PPP2R3A: variants seen among roughly 807,000 people sequenced by gnomAD.
PPP2R3A encodes serine/threonine-protein phosphatase 2A regulatory subunit B'' subunit alpha.
In PPP2R3A, 80 loss-of-function variants were observed where a neutral mutation model predicts 106.9. That is an observed-to-expected ratio of 0.75 (90% confidence interval 0.62 to 0.90). The LOEUF (loss-of-function observed/expected upper bound fraction) is 0.90, where lower values mean the gene tolerates loss of function less well. Ranked by LOEUF, PPP2R3A falls within the 40% of genes least tolerant of loss-of-function variation. The pLI, the probability that PPP2R3A is intolerant of heterozygous loss-of-function variation, is 0.00. For missense variants in PPP2R3A, 1,386 were observed against 1,350.4 expected, an observed-to-expected ratio of 1.03 and a Z score of -0.41; for synonymous variants, 483 against 468.3, an observed-to-expected ratio of 1.03 and a Z score of -0.41.
intron 5 of PPP2R3A, among the ~76,000 whole-genome samples, chr3:136,068,376 G>A: frequency 6.6e-6 from 1 of 152,116 alleles, no homozygotes; most frequent in Non-Finnish European, 1.5e-5. Context: ...AAATAGGCCG[G>A]GCATGGTGGC....
chr3:136,130,570 A>C (rs1209380745), intron 13 of PPP2R3A, among the ~76,000 whole-genome samples: 3 of 152,210 alleles, frequency 2.0e-5, no homozygotes, highest in African/African-American at 7.2e-5. Flanking sequence ...ATATCATGAA[A>C]ATGGCCATAC....
rs202206769 is a variant in PPP2R3A, at chr3:136,003,061, G to C, written c.1563G>C (p.Gln521His). 89 of 1,611,714 alleles carry C rather than the reference G, an allele frequency of 5.5e-5. No individual in the cohort carries two copies. The highest frequency in any genetic ancestry group is 5.5e-5 in the Non-Finnish European group (65 of 1,179,454). ...TAATGGATTTGGAATCTTTTTCACAGAAGATGGAGACCTCTCTAAGAGAGC... is the reference window on the plus strand; with the variant it reads ...TAATGGATTTGGAATCTTTTTCACACAAGATGGAGACCTCTCTAAGAGAGC... Reference protein sequence around the residue: ...KLLMDLESFSQKMETSLREPL... With the variant: ...KLLMDLESFSHKMETSLREPL... Residue 521 changes from glutamine to histidine, a missense_variant, in exon 2 of 14, where the codon CAG (glutamine) becomes CAC (histidine). Transcript: ENST00000264977.
intron 13 of PPP2R3A, among the ~76,000 whole-genome samples, chr3:136,111,282 T>C (rs1487861795): frequency 4.6e-5 from 7 of 152,166 alleles, no homozygotes; most frequent in Non-Finnish European, 7.4e-5. Context: ...TAGAGAAATA[T>C]AGACATTGAT....
At chr3:136,131,686 T>C (rs1010299508) in intron 13 of PPP2R3A, among the ~76,000 whole-genome samples, 3 of 152,214 alleles carry the variant, frequency 2.0e-5, no homozygotes, top group African/African-American at 7.2e-5. Context: ...GGATTATACA[T>C]CATGCTGCTT....
At chr3:135,969,267 G>T (rs891749053) in intron 1 of PPP2R3A, among the ~76,000 whole-genome samples, 1 of 152,188 alleles carries the variant, frequency 6.6e-6, no homozygotes, top group African/African-American at 2.4e-5. Flanking sequence ...GGAGAGAAAA[G>T]GTGGTGGCTG....
intron 13 of PPP2R3A, among the ~76,000 whole-genome samples, chr3:136,140,748 C>CA (rs996175388): frequency 0.024 from 1,925 of 81,450 alleles, 30 homozygotes; most frequent in East Asian, 0.084. Context: ...AACTCAGTCT[C>CA]AAAAAAAAAA....
intron 2 of PPP2R3A, among the ~76,000 whole-genome samples, chr3:136,010,465 C>T (rs1157190304): frequency 1.7e-4 from 19 of 110,174 alleles, no homozygotes; most frequent in Non-Finnish European, 2.7e-4. Flanking sequence ...CTCGCTCTGT[C>T]GCCCAGGCTG....
intron 5 of PPP2R3A, among the ~76,000 whole-genome samples, chr3:136,061,026 T>TA (rs1482506928): frequency 2.0e-5 from 3 of 151,868 alleles, no homozygotes; most frequent in Non-Finnish European, 1.5e-5. Flanking sequence ...TAAATAAATG[T>TA]AAAAAAGAAT....
chr3:136,003,450 C>T lies in PPP2R3A; in HGVS notation c.1952C>T (p.Thr651Ile), dbSNP rs763309087. ...RSPVGDKAKD[T>I]TSAVLIQQTP... is the part of the protein sequence containing the mutation. Reference sequence around the variant, plus strand: ...CCTGTTGGTGATAAAGCCAAAGATACTACTTCAGCAGTTTTGATTCAGCAG... The same window carrying T: ...CCTGTTGGTGATAAAGCCAAAGATATTACTTCAGCAGTTTTGATTCAGCAG... Residue 651 changes from threonine (T) to isoleucine (I), a missense_variant, in exon 2 of 14, where the codon ACT becomes ATT. By Grantham distance (89) the Thr-to-Ile change is moderately conservative. Coordinates refer to ENST00000264977, the MANE Select transcript of PPP2R3A (RefSeq NM_002718.5). 77 of 1,613,248 alleles carry T rather than the reference C, an allele frequency of 4.8e-5. No homozygotes were observed. The highest frequency in any genetic ancestry group is 5.9e-5 in the Non-Finnish European group (70 of 1,179,642).
intron 5 of PPP2R3A, among the ~76,000 whole-genome samples, chr3:136,058,750 C>T (rs1299869730): frequency 3.9e-5 from 6 of 152,122 alleles, no homozygotes; most frequent in South Asian, 2.1e-4. Flanking sequence ...TACCCATCTT[C>T]GAACAATGCT....
rs548505288 is a variant in PPP2R3A at position 136,053,321 on chromosome 3, G to A, written c.2469+3960G>A. Among the ~76,000 whole-genome samples the A allele has an allele frequency of 1.8e-4, 28 of 151,972 alleles. 1 individual carries two copies. The highest frequency in any genetic ancestry group is 6.5e-4 in the African/African-American group (27 of 41,434). On this transcript the variant is annotated intron_variant, in intron 5 of 13. Transcript: ENST00000264977. ...AAAAAGATTCTGTGATCTTAAAATTGTAAATAAATAGTTTAATAATAAATG... is the reference window on the plus strand; with the variant it reads ...AAAAAGATTCTGTGATCTTAAAATTATAAATAAATAGTTTAATAATAAATG...
chr3:136,078,329 A>T, intron 6 of PPP2R3A, 38 bp from the exon 7 acceptor site: 2 of 1,386,136 alleles, frequency 1.4e-6, no homozygotes, highest in Non-Finnish European at 2.0e-6. Context: ...GGAGATCTTT[A>T]ATGTTTTTAT....
intron 2 of PPP2R3A, among the ~76,000 whole-genome samples, chr3:136,015,257 G>T (rs1301133563): frequency 6.6e-6 from 1 of 152,100 alleles, no homozygotes; most frequent in Non-Finnish European, 1.5e-5. Flanking sequence ...TTGCATCTAT[G>T]TTCACCAGAG....
Position 136,001,687 on chromosome 3 carries a change from C to T in PPP2R3A, c.189C>T (p.Phe63=), listed in dbSNP as rs767075012. The T allele has an allele frequency of 1.2e-5, 20 of 1,614,002 alleles. No homozygotes were observed. The South Asian group carries it at 2.1e-4, about 17-fold the overall frequency. Residue 63 remains phenylalanine (F), a synonymous_variant, in exon 2 of 14, where the codon TTC becomes TTT. Transcript: ENST00000264977. ...ADLLHIPVSQ[F]KDADLNSMFL... ...TCTTGCACATCCCTGTGTCTCAGTT[C>T]AAAGATGCAGATCTGAACTCTATGT...
Position 136,002,156 on chromosome 3 carries a change from A to G in PPP2R3A, c.658A>G (p.Ile220Val). 6.2e-7 allele frequency: 1 copy of G among 1,613,670 alleles called. No homozygotes were observed. Among genetic ancestry groups the G allele is most frequent in the Non-Finnish European group, 8.5e-7 (1 of 1,179,918 alleles). ...LVTQILEKHKIDNFSSGTDIK... is the reference protein window; with the variant it reads ...LVTQILEKHKVDNFSSGTDIK... ...TACTCAGATTTTGGAAAAACATAAA[A>G]TAGATAATTTTTCTTCTGGGACAGA... Residue 220 changes from isoleucine to valine, a missense_variant, in exon 2 of 14, where the codon ATA becomes GTA. Physicochemically the swap from Ile to Val is conservative, Grantham distance 29. Coordinates refer to ENST00000264977, the MANE Select transcript of PPP2R3A (RefSeq NM_002718.5).
In PPP2R3A at chr3:135,977,688, C is replaced by CTTTTTTTTT. The variant is rs66592538; in HGVS notation, c.-441+11859_-441+11867dup. Among the ~76,000 whole-genome samples, 19 of 61,124 alleles carry CTTTTTTTTT rather than the reference C, an allele frequency of 3.1e-4. 3 individuals carry two copies. Among genetic ancestry groups the CTTTTTTTTT allele is most frequent in the African/African-American group, 1.1e-3 (16 of 14,296 alleles). 40.1% of individuals were successfully genotyped at this position (61,124 alleles called of 152,430 possible). ...AAGTTGCATTCATCTGATCAGCATT[C>CTTTTTTTTT]TTTTTTTTTTTTTTTTTTTTTTTTT... On this transcript the variant is annotated intron_variant, in intron 1 of 13. Transcript: ENST00000264977.
chr3:136,036,694 G>T (rs1441401175), intron 3 of PPP2R3A, among the ~76,000 whole-genome samples: 1 of 152,162 alleles, frequency 6.6e-6, no homozygotes, highest in African/African-American at 2.4e-5. Context: ...TATTCCTGCA[G>T]TTGTTCTGGA....
At chr3:136,117,371 A>G (rs1335732709) in intron 13 of PPP2R3A, among the ~76,000 whole-genome samples, 1 of 152,204 alleles carries the variant, frequency 6.6e-6, no homozygotes, top group Non-Finnish European at 1.5e-5. Flanking sequence ...AAGCCAAGAA[A>G]TAAGTAAGAT....
intron 4 of PPP2R3A, among the ~76,000 whole-genome samples, chr3:136,046,266 A>G (rs1935467074): frequency 6.6e-6 from 1 of 152,198 alleles, no homozygotes; most frequent in Non-Finnish European, 1.5e-5. Context: ...CAGCCTGGCC[A>G]ACATGGTGAA....
Sources: allele counts gnomAD v4.1 joint callset (sites outside exome capture counted in the v4.1 genomes callset), GRCh38; gene constraint gnomAD v4.1.1; transcripts MANE v1.5; gene names NCBI Gene and HGNC (gene_info 2026-07-23, HGNC 2026-07-21).